Variants in SPIRE1 observed in about 807,000 individuals in gnomAD.
The protein encoded by SPIRE1 is spire type actin nucleation factor 1.
Under a neutral mutation model 94.1 loss-of-function variants are expected in SPIRE1, and 40 were observed. That is an observed-to-expected ratio of 0.43 (90% confidence interval 0.33 to 0.55). The LOEUF (loss-of-function observed/expected upper bound fraction) is 0.55, where lower values mean the gene tolerates loss of function less well. Among genes scored for constraint, SPIRE1 ranks in the 20% least tolerant of loss-of-function variants. The pLI is 0.06. For missense variants in SPIRE1, 838 were observed against 975.2 expected, an observed-to-expected ratio of 0.86 and a Z score of 1.87; for synonymous variants, 376 against 371.7, an observed-to-expected ratio of 1.01 and a Z score of -0.13.
chr18:12,513,648 C>T (rs1300910389), intron 4 of SPIRE1, among the ~76,000 whole-genome samples: 3 of 151,886 alleles, frequency 2.0e-5, no homozygotes, highest in Admixed American at 1.3e-4. Context: ...CTCAGCCTCC[C>T]GAGTAGCTAG....
intron 2 of SPIRE1, among the ~76,000 whole-genome samples, chr18:12,548,944 G>C (rs959501919): frequency 6.6e-6 from 1 of 152,138 alleles, no homozygotes; most frequent in Non-Finnish European, 1.5e-5. Context: ...TTAAACAATG[G>C]ATCTTCTAAG....
intron 2 of SPIRE1, among the ~76,000 whole-genome samples, chr18:12,598,425 A>G (rs1356633765): frequency 6.6e-6 from 1 of 152,142 alleles, no homozygotes; most frequent in African/African-American, 2.4e-5. Flanking sequence ...CTGTCCTAAC[A>G]TATTTTTAGC....
At chr18:12,546,638 T>C in intron 3 of SPIRE1, 36 bp downstream of exon 3, 1 of 1,489,194 alleles carries the variant, frequency 6.7e-7, no homozygotes, top group Non-Finnish European at 9.4e-7. Context: ...TAACAACTCT[T>C]GAAAAAAACA....
chr18:12,627,174 T>C (rs1030048795), intron 2 of SPIRE1, among the ~76,000 whole-genome samples: 14 of 152,014 alleles, frequency 9.2e-5, no homozygotes, highest in Admixed American at 9.2e-4. Context: ...GTTGCACCCA[T>C]TTACATTAGG....
rs1483947508 is a variant in SPIRE1 at position 12,644,629 on chromosome 18, TA to T, written c.338-9534del. On this transcript the variant is annotated intron_variant, in intron 1 of 16. Transcript: ENST00000409402. ...GCAAGTAACCCTCCATAGTCCATTCTAAAAACCTGGTGGAGCACCTAAGGCA... is the reference window on the plus strand; with the variant it reads ...GCAAGTAACCCTCCATAGTCCATTCTAAAACCTGGTGGAGCACCTAAGGCA... 5.9e-5 allele frequency among the ~76,000 whole-genome samples: 9 copies of T among 152,318 alleles called. No individual in the cohort carries two copies. In the South Asian group the frequency reaches 1.4e-3, roughly 25 times the overall value.
At chr18:12,552,047 C>A (rs865802624) in intron 2 of SPIRE1, among the ~76,000 whole-genome samples, 7 of 152,204 alleles carry the variant, frequency 4.6e-5, no homozygotes, top group Non-Finnish European at 8.8e-5. Flanking sequence ...GAAAGTAAAT[C>A]GGGCTGAGGC....
chr18:12,451,339 C>T (rs1264589707), intron 16 of SPIRE1, among the ~76,000 whole-genome samples: 1 of 152,108 alleles, frequency 6.6e-6, no homozygotes, highest in Non-Finnish European at 1.5e-5. Context: ...ATTGGGATTC[C>T]AAGGAGCTGG....
At chr18:12,515,185 A>C (rs2034162218) in intron 4 of SPIRE1, among the ~76,000 whole-genome samples, 1 of 152,138 alleles carries the variant, frequency 6.6e-6, no homozygotes, top group South Asian at 2.1e-4. Context: ...ATGATGAATA[A>C]ACTCATCTTT....
chr18:12,545,783 A>C (rs577664164), intron 3 of SPIRE1, among the ~76,000 whole-genome samples: 1 of 152,324 alleles, frequency 6.6e-6, no homozygotes, highest in South Asian at 2.1e-4. Context: ...AAGTAAGTGG[A>C]TCACAGTTGT....
intron 11 of SPIRE1, among the ~76,000 whole-genome samples, chr18:12,464,422 A>G (rs2032004512): frequency 6.6e-6 from 1 of 152,238 alleles, no homozygotes; most frequent in East Asian, 1.9e-4. Flanking sequence ...AAATCCCTTA[A>G]CTTTAGATAT....
At chr18:12,507,490 G>A (rs570105247) in intron 5 of SPIRE1, among the ~76,000 whole-genome samples, 2 of 152,122 alleles carry the variant, frequency 1.3e-5, no homozygotes, top group East Asian at 3.9e-4. Context: ...CCTGAGGTCA[G>A]GAGTTCGAGA....
chr18:12,510,218 A>G (rs1266294375), intron 5 of SPIRE1, among the ~76,000 whole-genome samples: 2 of 152,144 alleles, frequency 1.3e-5, no homozygotes, highest in African/African-American at 4.8e-5. Flanking sequence ...GGAGGGAGGC[A>G]GGAGGTAGGA....
intron 8 of SPIRE1, among the ~76,000 whole-genome samples, chr18:12,487,095 T>A (rs2033065400): frequency 6.6e-6 from 1 of 152,208 alleles, no homozygotes; most frequent in South Asian, 2.1e-4. Context: ...TCAGGTAATC[T>A]ACATGCCTCG....
chr18:12,581,302 T>C (rs1202014991), intron 2 of SPIRE1, among the ~76,000 whole-genome samples: 1 of 152,202 alleles, frequency 6.6e-6, no homozygotes, highest in Non-Finnish European at 1.5e-5. Context: ...ATTATTACTA[T>C]AGGACTTTGA....
intron 3 of SPIRE1, 24 bp from the exon 4 acceptor site, chr18:12,535,625 A>G: frequency 1.2e-6 from 2 of 1,600,930 alleles, no homozygotes; most frequent in African/African-American, 2.7e-5. Flanking sequence ...AAATAAAATA[A>G]TGGTGCTTGG....
At chr18:12,488,621 A>G (rs2033121913) in intron 8 of SPIRE1, among the ~76,000 whole-genome samples, 1 of 152,218 alleles carries the variant, frequency 6.6e-6, no homozygotes, top group African/African-American at 2.4e-5. Flanking sequence ...ACGTGAAGGA[A>G]AAGTACTTAT....
intron 14 of SPIRE1, 195 bp from the exon 15 acceptor site, chr18:12,452,707 C>A: frequency 1.6e-6 from 1 of 637,652 alleles, no homozygotes; most frequent in Admixed American, 2.8e-5. Flanking sequence ...TACACTGTCT[C>A]CTATAAAAGG....
chr18:12,612,071 C>T (rs540656592), intron 2 of SPIRE1, among the ~76,000 whole-genome samples: 1 of 152,220 alleles, frequency 6.6e-6, no homozygotes, highest in African/African-American at 2.4e-5. Context: ...TTTCTCTCCT[C>T]TCTTCTCTTT....
chr18:12,554,026 T>C (rs1233182127), intron 2 of SPIRE1, among the ~76,000 whole-genome samples: 1 of 151,800 alleles, frequency 6.6e-6, no homozygotes, highest in South Asian at 2.1e-4. Flanking sequence ...ACCAGCTGGG[T>C]GCGGTGGCTC....
Sources: allele counts gnomAD v4.1 joint callset (sites outside exome capture counted in the v4.1 genomes callset), GRCh38; gene constraint gnomAD v4.1.1; transcripts MANE v1.5; gene names NCBI Gene and HGNC (gene_info 2026-07-23, HGNC 2026-07-21).